The following DPYD variants were observed in gnomAD, a reference collection of about 807,000 sequenced individuals.
DPYD encodes the protein dihydropyrimidine dehydrogenase [NADP(+)].
DPYD carries 109 observed loss-of-function variants against 116.2 expected under a neutral mutation model. The ratio of observed to expected loss-of-function variants is 0.94; its 90% CI spans 0.80 to 1.10. The LOEUF (loss-of-function observed/expected upper bound fraction) is 1.10, where lower values mean the gene tolerates loss of function less well. Ranked by LOEUF, DPYD falls within the 50% of genes least tolerant of loss-of-function variation. The pLI is 0.00. For synonymous variants in DPYD, 440 were observed against 432.0 expected (o/e 1.02, Z -0.23); for missense variants, 1,302 against 1,254.5 (o/e 1.04, Z -0.57).
intron 18 of DPYD, among the ~76,000 whole-genome samples, chr1:97,303,983 G>T (rs1023111633): frequency 3.3e-5 from 5 of 151,990 alleles, no homozygotes; most frequent in African/African-American, 1.2e-4. Flanking sequence ...CTGTAATTTT[G>T]TAGTTTTATT....
At chr1:97,532,812 T>G (rs1444509549) in intron 12 of DPYD, among the ~76,000 whole-genome samples, 1 of 151,958 alleles carries the variant, frequency 6.6e-6, no homozygotes, top group Non-Finnish European at 1.5e-5. Context: ...CAATTCTTAA[T>G]TTTGTTGATT....
chr1:97,703,424 C>T (rs1445590933), intron 5 of DPYD, among the ~76,000 whole-genome samples: 1 of 151,856 alleles, frequency 6.6e-6, no homozygotes, highest in Non-Finnish European at 1.5e-5. Flanking sequence ...CATAGAGATG[C>T]TTTGAGGATT....
chr1:97,315,333 G>A (rs1667760854), intron 16 of DPYD, among the ~76,000 whole-genome samples: 1 of 151,942 alleles, frequency 6.6e-6, no homozygotes, highest in South Asian at 2.1e-4. Flanking sequence ...TGTAGTACAA[G>A]GGTCTAGCTA....
chr1:97,827,760 T>C (rs1669310962), intron 3 of DPYD, among the ~76,000 whole-genome samples: 1 of 152,032 alleles, frequency 6.6e-6, no homozygotes, highest in African/African-American at 2.4e-5. Context: ...TAGGAGGAAA[T>C]ACTACTCAAT....
At chr1:97,613,808 A>T (rs1571062187) in intron 8 of DPYD, among the ~76,000 whole-genome samples, 1 of 152,054 alleles carries the variant, frequency 6.6e-6, no homozygotes, top group Non-Finnish European at 1.5e-5. Context: ...AGTAGAAAGG[A>T]TAATGTCATA....
intron 13 of DPYD, among the ~76,000 whole-genome samples, chr1:97,484,562 A>G (rs1678512444): frequency 6.6e-6 from 1 of 151,926 alleles, no homozygotes; most frequent in African/African-American, 2.4e-5. Context: ...TTCTCATTTT[A>G]TATTGTTGGA....
chr1:97,653,267 C>A (rs1658696967), intron 8 of DPYD, among the ~76,000 whole-genome samples: 1 of 151,336 alleles, frequency 6.6e-6, no homozygotes, highest in African/African-American at 2.4e-5. Context: ...GTAAAAGTGG[C>A]CTTTCATAGT....
chr1:97,220,658 T>C (rs192006947), intron 19 of DPYD, among the ~76,000 whole-genome samples: 22 of 152,316 alleles, frequency 1.4e-4, no homozygotes, highest in Admixed American at 1.2e-3. Context: ...AGATACCACA[T>C]TTCAAATGTA....
intron 3 of DPYD, among the ~76,000 whole-genome samples, chr1:97,786,653 G>A (rs1257366428): frequency 6.6e-6 from 1 of 152,184 alleles, no homozygotes; most frequent in Non-Finnish European, 1.5e-5. Context: ...ATAGACACCT[G>A]AAGTTTACAC....
Position 97,648,054 on chromosome 1 carries a change from C to T in DPYD, c.850+31041G>A, listed in dbSNP as rs1658374472. Among the ~76,000 whole-genome samples, 7 of 152,050 alleles carry T rather than the reference C, an allele frequency of 4.6e-5. No homozygotes were observed. The South Asian group carries it at 1.2e-3, about 27-fold the overall frequency. ...CACAGAAAGTTATTATTGAAAGGAACCTTGTAGTCATAATAAGCCTACTGA... is the reference window on the plus strand; with the variant it reads ...CACAGAAAGTTATTATTGAAAGGAATCTTGTAGTCATAATAAGCCTACTGA... On this transcript the variant is annotated intron_variant, in intron 8 of 22. Coordinates refer to ENST00000370192, the MANE Select transcript of DPYD (RefSeq NM_000110.4).
chr1:97,341,351 T>C (rs1011810387), intron 16 of DPYD, among the ~76,000 whole-genome samples: 1 of 152,190 alleles, frequency 6.6e-6, no homozygotes, highest in Non-Finnish European at 1.5e-5. Context: ...CCTAATTTAC[T>C]GCAGATATGC....
At chr1:97,509,709 C>A (rs1247735092) in intron 13 of DPYD, among the ~76,000 whole-genome samples, 1 of 151,844 alleles carries the variant, frequency 6.6e-6, no homozygotes, top group African/African-American at 2.4e-5. Flanking sequence ...AAAAAAGGTT[C>A]TCAAAATAAA....
At chr1:97,770,563 T>C (rs1180895059) in intron 3 of DPYD, among the ~76,000 whole-genome samples, 2 of 152,220 alleles carry the variant, frequency 1.3e-5, no homozygotes, top group East Asian at 1.9e-4. Flanking sequence ...TGACTAACAC[T>C]GTACATGAGA....
chr1:97,784,363 C>T (rs1266491791), intron 3 of DPYD, among the ~76,000 whole-genome samples: 1 of 152,024 alleles, frequency 6.6e-6, no homozygotes. Context: ...ACTTAGTAAC[C>T]AAGCTTCCCT....
chr1:97,513,145 C>A (rs1302182025), intron 13 of DPYD, among the ~76,000 whole-genome samples: 1 of 151,416 alleles, frequency 6.6e-6, no homozygotes, highest in African/African-American at 2.4e-5. Flanking sequence ...CATATTAGAC[C>A]TCAATCTGGC....
chr1:97,414,004 A>G (rs1239516191), intron 14 of DPYD, among the ~76,000 whole-genome samples: 2 of 152,194 alleles, frequency 1.3e-5, no homozygotes, highest in Non-Finnish European at 2.9e-5. Context: ...TATAATATAT[A>G]CAAGTACATA....
chr1:97,746,403 T>C (rs977418911), intron 3 of DPYD, among the ~76,000 whole-genome samples: 3 of 152,116 alleles, frequency 2.0e-5, no homozygotes, highest in African/African-American at 7.2e-5. Flanking sequence ...CCCAATCAAG[T>C]ACTTTGTGCT....
intron 10 of DPYD, among the ~76,000 whole-genome samples, chr1:97,592,810 C>T (rs952412273): frequency 6.6e-6 from 1 of 152,146 alleles, no homozygotes; most frequent in Non-Finnish European, 1.5e-5. Context: ...AGGTATACAT[C>T]TTAGAATGCA....
At chr1:97,335,398 T>C (rs80251895) in intron 16 of DPYD, among the ~76,000 whole-genome samples, 9,727 of 151,874 alleles carry the variant, frequency 0.064, 420 homozygotes, top group African/African-American at 0.12. Context: ...GCAGTCCATG[T>C]AACTGTTTAA....
Sources: gnomAD v4.1 joint callset for allele counts (sites outside exome capture counted in the v4.1 genomes callset) on GRCh38, gnomAD v4.1.1 for gene constraint, MANE v1.5 for transcripts, NCBI Gene and HGNC (gene_info 2026-07-23, HGNC 2026-07-21) for gene names.